Variants in RBFOX1 observed in about 807,000 individuals in gnomAD.
RBFOX1 encodes the protein RNA binding fox-1 homolog 1, also known as RNA binding protein fox-1 homolog 1.
In RBFOX1, 8 loss-of-function variants were observed where a neutral mutation model predicts 57.7. The ratio of observed to expected loss-of-function variants is 0.14; its 90% CI spans 0.08 to 0.25. The LOEUF is 0.25. Among genes scored for constraint, RBFOX1 ranks in the 10% least tolerant of loss-of-function variants. The probability of loss-of-function intolerance (pLI) is 1.00; values close to 1 mark genes in which losing one functional copy is unlikely to be tolerated. For synonymous variants in RBFOX1, 326 were observed against 222.4 expected (o/e 1.47, Z -4.15); for missense variants, 611 against 548.5 (o/e 1.11, Z -1.14).
intron 1 of RBFOX1, among the ~76,000 whole-genome samples, chr16:5,264,373 C>A (rs1350466575): frequency 6.6e-6 from 1 of 152,250 alleles, no homozygotes; most frequent in Non-Finnish European, 1.5e-5. Context: ...GTGCTCTGTT[C>A]TTGGGGCCGT....
chr16:6,923,263 G>C (rs71374920), intron 3 of RBFOX1, among the ~76,000 whole-genome samples: 1 of 152,194 alleles, frequency 6.6e-6, no homozygotes, highest in African/African-American at 2.4e-5. Flanking sequence ...GCCAGGTGTG[G>C]TGGCTCATGC....
intron 4 of RBFOX1, among the ~76,000 whole-genome samples, chr16:7,342,187 C>T (rs769801868): frequency 6.6e-6 from 1 of 152,142 alleles, no homozygotes; most frequent in Non-Finnish European, 1.5e-5. Context: ...AGTTGCTTGA[C>T]CTCTCTGAAC....
chr16:6,039,945 C>A (rs1277632386), intron 1 of RBFOX1, among the ~76,000 whole-genome samples: 1 of 152,116 alleles, frequency 6.6e-6, no homozygotes, highest in Non-Finnish European at 1.5e-5. Context: ...AGCTTCAATT[C>A]CCTGCCACAT....
intron 1 of RBFOX1, among the ~76,000 whole-genome samples, chr16:6,293,370 C>G (rs1055025765): frequency 3.3e-5 from 5 of 152,178 alleles, no homozygotes; most frequent in Non-Finnish European, 7.3e-5. Flanking sequence ...TCTTCTCCAG[C>G]AAAATTTAAG....
intron 1 of RBFOX1, among the ~76,000 whole-genome samples, chr16:5,276,292 G>C (rs1300678878): frequency 2.6e-5 from 4 of 152,074 alleles, no homozygotes; most frequent in African/African-American, 9.7e-5. Flanking sequence ...ATCTGACAAA[G>C]GACTAATGTC....
At chr16:6,241,743 G>T (rs1257778748) in intron 1 of RBFOX1, among the ~76,000 whole-genome samples, 1 of 152,186 alleles carries the variant, frequency 6.6e-6, no homozygotes. Flanking sequence ...AGCATTTCAG[G>T]CACTTAAAAT....
At chr16:6,964,819 C>G (rs1039256649) in intron 3 of RBFOX1, among the ~76,000 whole-genome samples, 14 of 152,076 alleles carry the variant, frequency 9.2e-5, no homozygotes, top group African/African-American at 2.7e-4. Context: ...AGGCCTTTGT[C>G]TAAAAGAGCC....
intron 4 of RBFOX1, among the ~76,000 whole-genome samples, chr16:7,103,086 C>G (rs990484283): frequency 3.4e-5 from 5 of 149,104 alleles, no homozygotes; most frequent in African/African-American, 1.2e-4. Context: ...AAAAAAAATG[C>G]AACACTCTGT....
chr16:6,976,321 C>A (rs373771951), intron 3 of RBFOX1, among the ~76,000 whole-genome samples: 1 of 152,144 alleles, frequency 6.6e-6, no homozygotes, highest in Non-Finnish European at 1.5e-5. Context: ...AGAGGCCACA[C>A]TCTAAATTTC....
intron 1 of RBFOX1, among the ~76,000 whole-genome samples, chr16:6,235,174 T>A (rs141105815): frequency 7.2e-5 from 11 of 152,314 alleles, no homozygotes; most frequent in African/African-American, 1.2e-4. Flanking sequence ...TCTTCTTGCA[T>A]TCTAAGAGTG....
chr16:6,795,321 C>G (rs973107887), intron 3 of RBFOX1, among the ~76,000 whole-genome samples: 6 of 152,056 alleles, frequency 3.9e-5, no homozygotes, highest in Non-Finnish European at 4.4e-5. Context: ...TTTTCCAACA[C>G]TGGTTTCAGG....
chr16:6,664,057 T>G (rs2098717357), intron 3 of RBFOX1, among the ~76,000 whole-genome samples: 1 of 152,282 alleles, frequency 6.6e-6, no homozygotes, highest in Admixed American at 6.5e-5. Context: ...TGAGAAATGG[T>G]CAGGTGTGTA....
chr16:5,455,592 T>A (rs944969524), intron 1 of RBFOX1, among the ~76,000 whole-genome samples: 1 of 152,156 alleles, frequency 6.6e-6, no homozygotes, highest in Non-Finnish European at 1.5e-5. Context: ...TTTTCTCCCT[T>A]AGGTTTCTAT....
intron 4 of RBFOX1, among the ~76,000 whole-genome samples, chr16:7,244,271 A>AAAG (rs923067451): frequency 1.6e-5 from 2 of 128,824 alleles, no homozygotes; most frequent in Non-Finnish European, 3.2e-5. Context: ...AAAAAAAAAA[A>AAAG]CACCCTTGGG....
At chr16:6,342,627 T>A (rs567730541) in intron 2 of RBFOX1, among the ~76,000 whole-genome samples, 1 of 152,268 alleles carries the variant, frequency 6.6e-6, no homozygotes, top group East Asian at 1.9e-4. Flanking sequence ...GAGAGTTAGG[T>A]ATACATATCT....
intron 2 of RBFOX1, among the ~76,000 whole-genome samples, chr16:6,509,512 TAGA>T (rs1307439653): frequency 6.6e-6 from 1 of 151,984 alleles, no homozygotes; most frequent in Non-Finnish European, 1.5e-5. Flanking sequence ...AGACAGAAAG[TAGA>T]AGGATGGTTA....
intron 3 of RBFOX1, among the ~76,000 whole-genome samples, chr16:5,854,742 A>G (rs941976207): frequency 6.6e-6 from 1 of 152,158 alleles, no homozygotes; most frequent in African/African-American, 2.4e-5. Flanking sequence ...TCCTTTGGAT[A>G]GGTACTCAGA....
chr16:7,322,769 G>A (rs1410770655), intron 4 of RBFOX1, among the ~76,000 whole-genome samples: 4 of 152,156 alleles, frequency 2.6e-5, no homozygotes, highest in Admixed American at 2.6e-4. Flanking sequence ...CCCTTGAGGT[G>A]GAGATGATGC....
chr16:7,702,739 G>GGAATGTAT (rs2081169380), intron 14 of RBFOX1, among the ~76,000 whole-genome samples: 1 of 152,186 alleles, frequency 6.6e-6, no homozygotes, highest in South Asian at 2.1e-4. Flanking sequence ...CACTTGGTCT[G>GGAATGTAT]GAATGTATGT....
Sources: allele counts gnomAD v4.1 joint callset (sites outside exome capture counted in the v4.1 genomes callset), GRCh38; gene constraint gnomAD v4.1.1; transcripts MANE v1.5; gene names NCBI Gene and HGNC (gene_info 2026-07-23, HGNC 2026-07-21).